Variants in NYAP2 observed in about 807,000 individuals in gnomAD.
NYAP2 encodes neuronal tyrosine-phosphorylated phosphoinositide-3-kinase adapter 2.
Under a neutral mutation model 50.4 loss-of-function variants are expected in NYAP2, and 23 were observed. That is an observed-to-expected ratio of 0.46 (90% confidence interval 0.33 to 0.65). The LOEUF is 0.65. Among genes scored for constraint, NYAP2 ranks in the 30% least tolerant of loss-of-function variants. The pLI, the probability that NYAP2 is intolerant of heterozygous loss-of-function variation, is 0.02. For missense variants in NYAP2, 885 were observed against 861.0 expected (o/e 1.03, Z -0.35); for synonymous variants, 394 against 365.2 (o/e 1.08, Z -0.90).
rs551418898 is a variant in NYAP2 at position 225,501,323 on chromosome 2, C to T, written c.222-12048C>T. ...CCTCTTGACTCTGGAATTCAAAATG[C>T]CATTGGTGTCAATCAAGATGGTTAC... is the stretch of plus-strand genomic sequence containing the variant. On this transcript the variant is annotated intron_variant, in intron 3 of 6. Coordinates refer to ENST00000636099, the Ensembl canonical transcript of NYAP2. 2.0e-5 allele frequency among the ~76,000 whole-genome samples: 3 copies of T among 152,186 alleles called. No homozygotes were observed. In the South Asian group the frequency reaches 6.2e-4, roughly 32 times the overall value.
chr2:225,677,917 G>A, the NYAP2 span, among the ~76,000 whole-genome samples: 1 of 152,016 alleles, frequency 6.6e-6, no homozygotes, highest in African/African-American at 2.4e-5. Flanking sequence ...ATCAGGATGA[G>A]GCTGACTTTT....
chr2:225,675,577 C>G, the NYAP2 span, among the ~76,000 whole-genome samples: 32 of 152,080 alleles, frequency 2.1e-4, no homozygotes, highest in Non-Finnish European at 4.1e-4. Flanking sequence ...GATTCCACTT[C>G]CTTGCTATTG....
chr2:225,468,449 G>C (rs1689958440), intron 3 of NYAP2, among the ~76,000 whole-genome samples: 1 of 152,130 alleles, frequency 6.6e-6, no homozygotes, highest in East Asian at 1.9e-4. Flanking sequence ...AGGAAGCCAA[G>C]ACAGGCCAGT....
At chr2:225,446,216 G>GTCTGTCTCTCTCTC (rs1422980177) in intron 3 of NYAP2, among the ~76,000 whole-genome samples, 15 of 69,652 alleles carry the variant, frequency 2.2e-4, no homozygotes, top group Non-Finnish European at 3.7e-4. Context: ...CTGTCTGTCT[G>GTCTGTCTCTCTCTC]TCTCTCTCTC....
chr2:225,581,938 T>C lies in NYAP2; in HGVS notation c.524-3T>C, dbSNP rs1193705810. On this transcript the variant is annotated splice_region_variant and splice_polypyrimidine_tract_variant and intron_variant, in intron 4 of 6. Transcript: ENST00000636099. ...TATTCCACTACGTTTTTTCTTCTTT[T>C]AGCGTCAGCTAAACCAAGACCCCAC... The C allele has an allele frequency of 1.9e-6, 3 of 1,588,346 alleles. No individual in the cohort carries two copies. The highest frequency in any genetic ancestry group is 2.2e-5 in the South Asian group (2 of 89,658).
intron 3 of NYAP2, among the ~76,000 whole-genome samples, chr2:225,474,850 G>A (rs1026671182): frequency 3.9e-5 from 6 of 152,208 alleles, no homozygotes; most frequent in Non-Finnish European, 7.3e-5. Context: ...ACACTATGTT[G>A]AATAGGAGTG....
At position 225,624,574 on chromosome 2, in the gene NYAP2, A is replaced by G. The variant is rs73090859; in HGVS notation, c.1619-2343A>G. Among the ~76,000 whole-genome samples, 1,287 of 152,250 alleles carry G rather than the reference A, an allele frequency of 8.5e-3. 29 individuals carry two copies. Among genetic ancestry groups the G allele is most frequent in the African/African-American group, 0.03 (1,236 of 41,536 alleles). ...TGGTACCTCATAGGTTGACTTCCCAAGCTAGTTACTGTAGATAATAGGCTA... is the reference window on the plus strand; with the variant it reads ...TGGTACCTCATAGGTTGACTTCCCAGGCTAGTTACTGTAGATAATAGGCTA... On this transcript the variant is annotated intron_variant, in intron 5 of 6. Transcript: ENST00000636099.
At chr2:225,443,685 C>T (rs2106142593) in intron 3 of NYAP2, among the ~76,000 whole-genome samples, 1 of 152,286 alleles carries the variant, frequency 6.6e-6, no homozygotes, top group East Asian at 1.9e-4. Flanking sequence ...TACCTGTAAA[C>T]TACATCTGTA....
intron 3 of NYAP2, among the ~76,000 whole-genome samples, chr2:225,488,926 C>T (rs1334175032): frequency 6.6e-6 from 1 of 152,130 alleles, no homozygotes; most frequent in Non-Finnish European, 1.5e-5. Flanking sequence ...CTCAAAACCA[C>T]ATAGTAAATA....
In NYAP2 at chr2:225,540,421, G is replaced by A. The variant is rs184437785; in HGVS notation, c.523+26749G>A. On this transcript the variant is annotated intron_variant, in intron 4 of 6. Transcript: ENST00000636099. ...AATCATGGTGGAAGGTGAAAGGCAC[G>A]TCTCACATGGTGGCAGACAAGACAA... 1.2e-4 allele frequency among the ~76,000 whole-genome samples: 19 copies of A among 152,300 alleles called. No individual in the cohort carries two copies. In the East Asian group the frequency reaches 2.9e-3, roughly 23 times the overall value.
chr2:225,490,228 G>T (rs950782577), intron 3 of NYAP2, among the ~76,000 whole-genome samples: 3 of 152,042 alleles, frequency 2.0e-5, no homozygotes, highest in Non-Finnish European at 4.4e-5. Context: ...GCAGTTTCTG[G>T]CTCTGAGACT....
intron 3 of NYAP2, among the ~76,000 whole-genome samples, chr2:225,420,853 G>C (rs1195325673): frequency 6.6e-6 from 1 of 152,120 alleles, no homozygotes; most frequent in African/African-American, 2.4e-5. Context: ...TTTACATAGA[G>C]AATCAGAATG....
chr2:225,509,789 C>T (rs1690777329), intron 3 of NYAP2, among the ~76,000 whole-genome samples: 1 of 152,184 alleles, frequency 6.6e-6, no homozygotes, highest in African/African-American at 2.4e-5. Flanking sequence ...TAACTTCATT[C>T]CTCATGGCAA....
chr2:225,626,805 A>C, intron 5 of NYAP2, 112 bp from the exon 6 acceptor site: 1 of 789,908 alleles, frequency 1.3e-6, no homozygotes, highest in Admixed American at 2.5e-5. Context: ...TCCAAGTCTG[A>C]GTTTCCAACA....
chr2:225,618,732 C>G (rs1268427086), intron 5 of NYAP2, among the ~76,000 whole-genome samples: 1 of 152,172 alleles, frequency 6.6e-6, no homozygotes, highest in Admixed American at 6.5e-5. Flanking sequence ...CTGCCAGAAA[C>G]TAGTTTACGA....
At chr2:225,572,450 G>C (rs1692089492) in intron 4 of NYAP2, among the ~76,000 whole-genome samples, 1 of 152,198 alleles carries the variant, frequency 6.6e-6, no homozygotes, top group Non-Finnish European at 1.5e-5. Flanking sequence ...GGGTGCAGGA[G>C]AGAGAATGAG....
Position 225,599,165 on chromosome 2 carries a change from C to T in NYAP2, c.1618+16130C>T, listed in dbSNP as rs966526492. Among the ~76,000 whole-genome samples the T allele has an allele frequency of 2.0e-4, 31 of 152,086 alleles. 1 individual carries two copies. The highest frequency in any genetic ancestry group is 2.9e-5 in the Non-Finnish European group (2 of 68,032). ...ATAAGTGAAGGCATACCCGAGTTCC[C>T]GAGTTATATGCCCAGGGGAATTGTG... On this transcript the variant is annotated intron_variant, in intron 5 of 6. Coordinates refer to ENST00000636099, the Ensembl canonical transcript of NYAP2.
At chr2:225,416,648 C>T (rs1241954223) in intron 3 of NYAP2, among the ~76,000 whole-genome samples, 2 of 152,094 alleles carry the variant, frequency 1.3e-5, no homozygotes, top group Admixed American at 6.6e-5. Flanking sequence ...TTTAAAGGTG[C>T]CTGTTAGGGT....
chr2:225,615,588 G>A (rs1272278432), intron 5 of NYAP2, among the ~76,000 whole-genome samples: 1 of 152,192 alleles, frequency 6.6e-6, no homozygotes, highest in African/African-American at 2.4e-5. Context: ...AAGTCAGTGT[G>A]TGTGTTCCCC....
Sources: allele counts gnomAD v4.1 joint callset (sites outside exome capture counted in the v4.1 genomes callset), GRCh38; gene constraint gnomAD v4.1.1; transcripts MANE v1.5; gene names NCBI Gene and HGNC (gene_info 2026-07-23, HGNC 2026-07-21).